Variants in IQCJ observed in about 807,000 individuals in gnomAD.
The protein encoded by IQCJ is IQ motif containing J.
In IQCJ, 9 loss-of-function variants were observed where a neutral mutation model predicts 11.0. The ratio of observed to expected loss-of-function variants is 0.82; its 90% CI spans 0.49 to 1.43. The LOEUF is 1.43. Among genes scored for constraint, IQCJ ranks in the 40% most tolerant of loss-of-function variants. The pLI is 0.00. For synonymous variants in IQCJ, 55 were observed against 51.3 expected, an observed-to-expected ratio of 1.07 and a Z score of -0.31; for missense variants, 146 against 133.2, an observed-to-expected ratio of 1.10 and a Z score of -0.47.
intron 1 of IQCJ, among the ~76,000 whole-genome samples, chr3:159,200,469 T>C (rs1724264540): frequency 6.6e-6 from 1 of 152,098 alleles, no homozygotes; most frequent in Non-Finnish European, 1.5e-5. Flanking sequence ...TTTCTTGAGC[T>C]GACTTAAATG....
At chr3:159,102,975 G>A (rs1240671772) in intron 1 of IQCJ, among the ~76,000 whole-genome samples, 2 of 152,058 alleles carry the variant, frequency 1.3e-5, no homozygotes, top group African/African-American at 2.4e-5. Flanking sequence ...ATTTCCACAG[G>A]CCTTCCTCTA....
downstream of IQCJ, among the ~76,000 whole-genome samples, chr3:159,264,496 C>G (rs1341851749): frequency 6.6e-6 from 1 of 152,132 alleles, no homozygotes; most frequent in African/African-American, 2.4e-5. Flanking sequence ...GAAATTTGTT[C>G]TCCCATAAGG....
intron 1 of IQCJ, among the ~76,000 whole-genome samples, chr3:159,225,656 T>TACG (rs1725814371): frequency 1.3e-5 from 2 of 152,226 alleles, no homozygotes; most frequent in African/African-American, 4.8e-5. Context: ...TGACACCAAA[T>TACG]ACGGTGTTTT....
At chr3:159,249,902 T>TACACACACAC (rs10567080) in intron 2 of IQCJ, among the ~76,000 whole-genome samples, 25,818 of 150,516 alleles carry the variant, frequency 0.17, 2,449 homozygotes, top group Non-Finnish European at 0.23. Flanking sequence ...TGCATTTGTG[T>TACACACACAC]ACACACACAC....
In IQCJ at chr3:159,165,146, C is replaced by A. The variant is rs565427368; in HGVS notation, c.10-80697C>A. 1.3e-5 allele frequency among the ~76,000 whole-genome samples: 2 copies of A among 152,314 alleles called. 1 individual carries two copies. The highest frequency in any genetic ancestry group is 4.8e-5 in the African/African-American group (2 of 41,558). On this transcript the variant is annotated intron_variant, in intron 1 of 3. Coordinates refer to ENST00000397832, the MANE Select transcript of IQCJ (RefSeq NM_001042706.3). ...ATGGATGTAGGCCTGTAGTTAGGAG[C>A]CTTTGCTACACAAACTACTTAGTTA...
At chr3:159,138,019 ATATGT>A (rs3029984) in intron 1 of IQCJ, among the ~76,000 whole-genome samples, 38,240 of 151,910 alleles carry the variant, frequency 0.25, 5,837 homozygotes, top group South Asian at 0.4. Flanking sequence ...TTTCATTTAC[ATATGT>A]TATGTAATAT....
At chr3:159,173,839 G>C (rs1246836235) in intron 1 of IQCJ, among the ~76,000 whole-genome samples, 4 of 151,878 alleles carry the variant, frequency 2.6e-5, no homozygotes, top group Admixed American at 2.6e-4. Flanking sequence ...TGTTCTTGTT[G>C]CATGTCTTTT....
At chr3:159,196,857 C>T (rs2365484) in intron 1 of IQCJ, among the ~76,000 whole-genome samples, 48,944 of 152,010 alleles carry the variant, frequency 0.32, 8,380 homozygotes, top group African/African-American at 0.42. Flanking sequence ...GTCCATGTGA[C>T]TGACCATTAA....
chr3:159,230,648 C>T (rs1449020), intron 1 of IQCJ, among the ~76,000 whole-genome samples: 324 of 152,070 alleles, frequency 2.1e-3, no homozygotes, highest in African/African-American at 7.5e-3. Flanking sequence ...CCCTGACAAG[C>T]GATGAGGAAA....
intron 1 of IQCJ, among the ~76,000 whole-genome samples, chr3:159,187,966 AC>A (rs1723468004): frequency 6.6e-6 from 1 of 152,132 alleles, no homozygotes; most frequent in Admixed American, 6.5e-5. Context: ...GAACTCTTCC[AC>A]CGGCGCTGGG....
chr3:159,091,647 T>TACAC lies in IQCJ; in HGVS notation c.9+22225_9+22228dup, dbSNP rs111512204. Among the ~76,000 whole-genome samples the TACAC allele has an allele frequency of 5.7e-3, 770 of 134,004 alleles. 12 individuals are homozygous for TACAC. Among genetic ancestry groups the TACAC allele is most frequent in the South Asian group, 0.022 (92 of 4,112 alleles). The allele number at this position is 134,004 out of a possible 152,430, so 87.9% of individuals were successfully genotyped here. A position where few individuals can be genotyped will look rare whatever the true frequency, so the allele number is the denominator to read the frequency against. Reference sequence around the variant, plus strand: ...AGTTATGAGAACCTAAAGGGGTATTTACACACACACACACACACACACGCA... The same window carrying TACAC: ...AGTTATGAGAACCTAAAGGGGTATTTACACACACACACACACACACACACACGCA... On this transcript the variant is annotated intron_variant, in intron 1 of 3. Transcript: ENST00000397832.
At chr3:159,125,746 G>GGACAACATTCCAAATTTC (rs1484834069) in intron 1 of IQCJ, among the ~76,000 whole-genome samples, 2 of 152,308 alleles carry the variant, frequency 1.3e-5, no homozygotes, top group South Asian at 2.1e-4. Flanking sequence ...TTGGAAGATA[G>GGACAACATTCCAAATTTC]GACAACATTC....
intron 1 of IQCJ, among the ~76,000 whole-genome samples, chr3:159,135,658 TTTTATGGG>T (rs1720247009): frequency 6.6e-6 from 1 of 151,894 alleles, no homozygotes. Context: ...ACATGGAAGG[TTTTATGGG>T]TTAGGTTTTA....
chr3:159,136,466 T>C (rs55938743), intron 1 of IQCJ, among the ~76,000 whole-genome samples: 37,686 of 152,096 alleles, frequency 0.25, 5,751 homozygotes, highest in South Asian at 0.4. Context: ...TTGTATTATA[T>C]CTAAGGCAAA....
intron 1 of IQCJ, among the ~76,000 whole-genome samples, chr3:159,158,985 C>G (rs1161352813): frequency 6.6e-6 from 1 of 152,124 alleles, no homozygotes; most frequent in African/African-American, 2.4e-5. Flanking sequence ...CACAGAGCCA[C>G]ATGGGAAGCA....
chr3:159,211,647 G>A (rs1724958686), intron 1 of IQCJ, among the ~76,000 whole-genome samples: 1 of 152,214 alleles, frequency 6.6e-6, no homozygotes, highest in African/African-American at 2.4e-5. Flanking sequence ...TAAATAGCCA[G>A]TGAGTAGTGA....
chr3:159,261,227 G>C (rs973621434), intron 3 of IQCJ, among the ~76,000 whole-genome samples: 1 of 152,160 alleles, frequency 6.6e-6, no homozygotes, highest in African/African-American at 2.4e-5. Context: ...GAGTTTAGAA[G>C]AGATAGTGAT....
At chr3:159,162,526 C>T (rs1289761028) in intron 1 of IQCJ, among the ~76,000 whole-genome samples, 1 of 152,158 alleles carries the variant, frequency 6.6e-6, no homozygotes, top group Non-Finnish European at 1.5e-5. Flanking sequence ...CCTTTATTTC[C>T]TTCTCCTGCC....
intron 1 of IQCJ, among the ~76,000 whole-genome samples, chr3:159,175,110 C>T (rs1342355113): frequency 1.3e-5 from 2 of 152,144 alleles, no homozygotes; most frequent in Non-Finnish European, 1.5e-5. Flanking sequence ...ATAAAATTCA[C>T]TAATTTTAAT....
Sources: allele counts gnomAD v4.1 joint callset (sites outside exome capture counted in the v4.1 genomes callset), GRCh38; gene constraint gnomAD v4.1.1; transcripts MANE v1.5; gene names NCBI Gene and HGNC (gene_info 2026-07-23, HGNC 2026-07-21).